CNTN1: variants seen among roughly 807,000 people sequenced by gnomAD.
The protein encoded by CNTN1 is contactin 1, also known as contactin-1.
A neutral mutation model predicts 126.4 loss-of-function variants in CNTN1; 38 were observed. The observed-to-expected ratio is 0.30, with a 90% CI of 0.23 to 0.39. The LOEUF is 0.39. Ranked by LOEUF, CNTN1 falls within the 10% of genes least tolerant of loss-of-function variation. The pLI, the probability that CNTN1 is intolerant of heterozygous loss-of-function variation, is 1.00. For missense variants in CNTN1, 1,009 were observed against 1,248.4 expected (o/e 0.81, Z 2.89); for synonymous variants, 413 against 422.6 (o/e 0.98, Z 0.28).
At chr12:40,992,674 A>T (rs1164961087) in intron 16 of CNTN1, among the ~76,000 whole-genome samples, 1 of 152,136 alleles carries the variant, frequency 6.6e-6, no homozygotes, top group East Asian at 1.9e-4. Context: ...ATAAACATTA[A>T]CCTTTTCTAC....
chr12:41,042,672 A>G (rs1949443505), intron 23 of CNTN1, among the ~76,000 whole-genome samples: 1 of 152,126 alleles, frequency 6.6e-6, no homozygotes, highest in Non-Finnish European at 1.5e-5. Context: ...ATGGAACCAA[A>G]AAAGAGCCTG....
chr12:41,064,046 C>T (rs1293811525), intron 23 of CNTN1, among the ~76,000 whole-genome samples: 4 of 151,880 alleles, frequency 2.6e-5, no homozygotes, highest in Admixed American at 2.6e-4. Context: ...TGGTGGCGGG[C>T]GCCTGTAGTC....
At chr12:41,011,084 G>A (rs1231258859) in intron 17 of CNTN1, among the ~76,000 whole-genome samples, 1 of 152,160 alleles carries the variant, frequency 6.6e-6, no homozygotes, top group African/African-American at 2.4e-5. Context: ...TGAAACACTT[G>A]AGTTAAATTT....
chr12:40,724,976 TAA>T (rs1018543127), intron 1 of CNTN1, among the ~76,000 whole-genome samples: 4 of 152,274 alleles, frequency 2.6e-5, no homozygotes, highest in Admixed American at 6.5e-5. Context: ...CAGAAAAATA[TAA>T]AGAGACCAAA....
At chr12:40,975,428 A>G (rs1393082097) in intron 15 of CNTN1, among the ~76,000 whole-genome samples, 1 of 151,866 alleles carries the variant, frequency 6.6e-6, no homozygotes, top group Non-Finnish European at 1.5e-5. Flanking sequence ...CCAGTCCTTT[A>G]CTAGGTTAAA....
intron 17 of CNTN1, among the ~76,000 whole-genome samples, chr12:40,996,585 T>C (rs1194745901): frequency 1.3e-5 from 2 of 152,222 alleles, no homozygotes; most frequent in Non-Finnish European, 2.9e-5. Context: ...CCTTTAAAAA[T>C]TTAATATGCT....
chr12:40,958,190 A>G (rs1487894597), intron 14 of CNTN1, among the ~76,000 whole-genome samples: 1 of 152,010 alleles, frequency 6.6e-6, no homozygotes, highest in African/African-American at 2.4e-5. Flanking sequence ...TATCTTAGTT[A>G]AATTACTTGG....
intron 1 of CNTN1, among the ~76,000 whole-genome samples, chr12:40,800,566 T>C (rs1214877033): frequency 6.6e-6 from 1 of 152,016 alleles, no homozygotes; most frequent in Admixed American, 6.6e-5. Context: ...CCCAGACAAC[T>C]GAGGTTTTCT....
chr12:40,737,681 C>T (rs180928393), intron 1 of CNTN1, among the ~76,000 whole-genome samples: 4 of 152,098 alleles, frequency 2.6e-5, no homozygotes, highest in African/African-American at 9.6e-5. Flanking sequence ...ACTTTGGCAG[C>T]AACCTCACAG....
chr12:41,041,996 A>C (rs977671338), intron 23 of CNTN1, among the ~76,000 whole-genome samples: 2 of 151,938 alleles, frequency 1.3e-5, no homozygotes, highest in African/African-American at 4.8e-5. Flanking sequence ...TAGTTCTTTT[A>C]ATTGTGATGT....
intron 1 of CNTN1, among the ~76,000 whole-genome samples, chr12:40,890,704 A>G (rs1167028546): frequency 6.6e-6 from 1 of 152,174 alleles, no homozygotes; most frequent in Non-Finnish European, 1.5e-5. Context: ...TTAGTGCTAA[A>G]TAATACTCCA....
chr12:40,807,664 C>T (rs1374360823), intron 1 of CNTN1, among the ~76,000 whole-genome samples: 4 of 152,118 alleles, frequency 2.6e-5, no homozygotes, highest in African/African-American at 9.7e-5. Flanking sequence ...GTCAGAACCT[C>T]AAAATTATTT....
At chr12:41,014,134 T>A in intron 17 of CNTN1, 94 bp from the exon 18 acceptor site, 1 of 1,097,650 alleles carries the variant, frequency 9.1e-7, no homozygotes, top group Non-Finnish European at 1.4e-6. Context: ...AAAACATTTG[T>A]GGTTTCTGTG....
chr12:40,849,384 C>A (rs182819035), intron 1 of CNTN1, among the ~76,000 whole-genome samples: 46 of 152,092 alleles, frequency 3.0e-4, no homozygotes, highest in Non-Finnish European at 5.3e-4. Context: ...AAAACATAAA[C>A]AAATGTAATA....
At chr12:40,989,881 C>G (rs762272205) in intron 16 of CNTN1, among the ~76,000 whole-genome samples, 1 of 151,412 alleles carries the variant, frequency 6.6e-6, no homozygotes, top group Non-Finnish European at 1.5e-5. Context: ...TCTTGGAGTT[C>G]CATTTGTAGT....
chr12:41,055,011 T>C (rs978084553), intron 23 of CNTN1, among the ~76,000 whole-genome samples: 5 of 152,140 alleles, frequency 3.3e-5, no homozygotes, highest in Non-Finnish European at 7.4e-5. Context: ...GTTTTGGTTT[T>C]CTTCTAGGTT....
At position 40,842,832 on chromosome 12, in the gene CNTN1, T is replaced by G. The variant is rs147184814; in HGVS notation, c.-76-65525T>G. Among the ~76,000 whole-genome samples the G allele has an allele frequency of 6.6e-5, 10 of 152,262 alleles. No individual in the cohort carries two copies. The East Asian group carries it at 1.9e-3, about 29-fold the overall frequency. ...TGTCACACCATCCAATTAATAGACT[T>G]TTAGGGATTTGTTATGTTTAATGTA... On this transcript the variant is annotated intron_variant, in intron 1 of 23. Coordinates refer to ENST00000551295, the MANE Select transcript of CNTN1 (RefSeq NM_001843.4).
intron 1 of CNTN1, among the ~76,000 whole-genome samples, chr12:40,756,234 TGGATTTTA>T (rs1357401478): frequency 4.6e-5 from 7 of 151,988 alleles, no homozygotes; most frequent in African/African-American, 1.7e-4. Flanking sequence ...GTAGGATCTA[TGGATTTTA>T]GGTCTTGGTG....
At chr12:40,895,988 G>C (rs560696426) in intron 1 of CNTN1, 1 of 151,284 alleles carries the variant, frequency 6.6e-6, no homozygotes, top group African/African-American at 2.4e-5. Flanking sequence ...AGATGGTCTC[G>C]ATCTCCTGAC....
Sources: gnomAD v4.1 joint callset for allele counts (sites outside exome capture counted in the v4.1 genomes callset) on GRCh38, gnomAD v4.1.1 for gene constraint, MANE v1.5 for transcripts, NCBI Gene and HGNC (gene_info 2026-07-23, HGNC 2026-07-21) for gene names.